Variants in FUT8 observed in about 807,000 individuals in gnomAD.
FUT8 encodes alpha-(1,6)-fucosyltransferase.
FUT8 carries 29 observed loss-of-function variants against 71.3 expected under a neutral mutation model. The observed-to-expected ratio is 0.41, with a 90% CI of 0.30 to 0.55. The LOEUF (loss-of-function observed/expected upper bound fraction) is 0.55. Ranked by LOEUF, FUT8 falls within the 20% of genes least tolerant of loss-of-function variation. The pLI is 0.34. For synonymous variants in FUT8, 254 were observed against 239.3 expected, an observed-to-expected ratio of 1.06 and a Z score of -0.57; for missense variants, 544 against 702.1, an observed-to-expected ratio of 0.77 and a Z score of 2.55.
rs1896565768 is a variant in FUT8 at position 65,742,711 on chromosome 14, C to T, written c.*301C>T. 4 of 271,558 alleles carry T rather than the reference C, an allele frequency of 1.5e-5. No individual in the cohort carries two copies. In the South Asian group the frequency reaches 2.3e-4, roughly 15 times the overall value. 16.8% of individuals were successfully genotyped at this position (271,558 alleles called of 1,614,324 possible). On this transcript the variant is annotated 3_prime_UTR_variant, in exon 11 of 11. Coordinates refer to ENST00000673929, the MANE Select transcript of FUT8 (RefSeq NM_001371533.1). ...GTATGTCCCCATAAGACAAACACTGCCATATTGTGTAATTTAAGTGACACA... is the reference window on the plus strand; with the variant it reads ...GTATGTCCCCATAAGACAAACACTGTCATATTGTGTAATTTAAGTGACACA...
At chr14:65,494,180 G>T (rs934237840) in intron 2 of FUT8, among the ~76,000 whole-genome samples, 1 of 152,084 alleles carries the variant, frequency 6.6e-6, no homozygotes, top group African/African-American at 2.4e-5. Flanking sequence ...AAAGCAAAAA[G>T]AAGCAGTTAA....
At chr14:65,434,390 C>G (rs1024351639) in intron 1 of FUT8, among the ~76,000 whole-genome samples, 3 of 152,230 alleles carry the variant, frequency 2.0e-5, no homozygotes, top group African/African-American at 7.2e-5. Flanking sequence ...TGGCCTCTGA[C>G]AGGCTTATCT....
intron 10 of FUT8, among the ~76,000 whole-genome samples, chr14:65,738,886 A>G (rs1418275179): frequency 1.3e-5 from 2 of 152,028 alleles, no homozygotes; most frequent in Non-Finnish European, 2.9e-5. Flanking sequence ...CTGGGCTGGT[A>G]TTATGCCTGG....
intron 2 of FUT8, among the ~76,000 whole-genome samples, chr14:65,484,955 A>G (rs984857427): frequency 1.3e-5 from 2 of 151,700 alleles, no homozygotes; most frequent in Admixed American, 6.6e-5. Flanking sequence ...TATGTTAGAT[A>G]TTATAGTTTT....
At chr14:65,442,636 A>G (rs116770100) in intron 1 of FUT8, among the ~76,000 whole-genome samples, 6,908 of 151,874 alleles carry the variant, frequency 0.045, 200 homozygotes, top group Middle Eastern at 0.1. Context: ...GGAGTTTAAG[A>G]CCAGCCTGGG....
At chr14:65,572,771 CA>C (rs1886552318) in intron 3 of FUT8, among the ~76,000 whole-genome samples, 1 of 151,994 alleles carries the variant, frequency 6.6e-6, no homozygotes, top group African/African-American at 2.4e-5. Flanking sequence ...AACATGTATG[CA>C]CATAACAACA....
chr14:65,394,803 C>A, the FUT8 span, among the ~76,000 whole-genome samples: 1 of 145,338 alleles, frequency 6.9e-6, no homozygotes, highest in African/African-American at 2.6e-5. Flanking sequence ...CAGAGTGCAG[C>A]GGCATGATCT....
At chr14:65,543,600 T>C (rs924692033) in intron 2 of FUT8, among the ~76,000 whole-genome samples, 3 of 152,156 alleles carry the variant, frequency 2.0e-5, no homozygotes, top group South Asian at 2.1e-4. Context: ...AGTCATTCTT[T>C]CGTTCTTTCT....
chr14:65,587,200 A>C (rs762589460), intron 3 of FUT8, among the ~76,000 whole-genome samples: 14 of 151,968 alleles, frequency 9.2e-5, no homozygotes, highest in South Asian at 2.1e-4. Context: ...AAAAAAAAAA[A>C]AACAAAAAAA....
chr14:65,528,518 C>G (rs946832550), intron 2 of FUT8, among the ~76,000 whole-genome samples: 4 of 152,214 alleles, frequency 2.6e-5, no homozygotes, highest in African/African-American at 9.6e-5. Context: ...ATGCCTCACC[C>G]TACTTCAGCT....
At chr14:65,411,372 T>C (rs2065121711), upstream of FUT8, 1 of 152,378 alleles carries the variant, frequency 6.6e-6, no homozygotes, top group Non-Finnish European at 1.5e-5. Context: ...GAGCTGACAA[T>C]AAATACGAGT....
Position 65,534,571 on chromosome 14 carries a change from G to C in FUT8, c.-227-26766G>C, listed in dbSNP as rs528212550. Among the ~76,000 whole-genome samples the C allele has an allele frequency of 2.3e-4, 33 of 143,776 alleles. No homozygotes were observed. In the South Asian group the frequency reaches 7.1e-3, roughly 31 times the overall value. 94.3% of individuals were successfully genotyped at this position (143,776 alleles called of 152,430 possible). ...TTTCTTTTTTTTTTTTTTTTGGTTG[G>C]TAGGCTATTTATTACTGATTAAATT... On this transcript the variant is annotated intron_variant, in intron 2 of 10. Transcript: ENST00000673929.
intron 7 of FUT8, among the ~76,000 whole-genome samples, chr14:65,697,931 C>T (rs1025346061): frequency 3.3e-5 from 5 of 151,518 alleles, no homozygotes; most frequent in African/African-American, 9.7e-5. Flanking sequence ...GCTGAGATCA[C>T]GCCATTCTGA....
chr14:65,648,823 C>G (rs897908128), intron 6 of FUT8, among the ~76,000 whole-genome samples: 4 of 152,132 alleles, frequency 2.6e-5, no homozygotes, highest in Non-Finnish European at 5.9e-5. Context: ...CTGTTCTACT[C>G]TACAATAAAG....
rs760318298 is a variant in FUT8, at chr14:65,742,114, A to C, written c.1432A>C (p.Ile478Leu). The C allele has an allele frequency of 9.9e-6, 16 of 1,611,808 alleles. No individual in the cohort carries two copies. In the East Asian group the frequency reaches 3.6e-4, roughly 36 times the overall value. ...SSQVCRVAYE[I>L]MQTLHPDASA... is the part of the protein sequence containing the mutation. ...CAAGGTCTGTCGAGTTGCTTATGAAATTATGCAAACACTACATCCTGATGC... is the reference window on the plus strand; with the variant it reads ...CAAGGTCTGTCGAGTTGCTTATGAACTTATGCAAACACTACATCCTGATGC... The change falls in exon 11 of 11, where the codon ATT (isoleucine) becomes CTT (leucine). Residue 478 changes from isoleucine to leucine, a missense_variant. Coordinates refer to ENST00000673929, the MANE Select transcript of FUT8 (RefSeq NM_001371533.1).
the FUT8 span, among the ~76,000 whole-genome samples, chr14:65,366,654 C>A: frequency 1.8e-4 from 27 of 152,012 alleles, 1 homozygote; most frequent in East Asian, 5.2e-3. Flanking sequence ...CTTAAAAGGC[C>A]TACCTCATCT....
chr14:65,433,786 T>TC lies in FUT8; in HGVS notation c.-326+20572_-326+20573insC, dbSNP rs143664958. 4.8e-5 allele frequency among the ~76,000 whole-genome samples: 7 copies of TC among 144,976 alleles called. No individual in the cohort carries two copies. In the South Asian group the frequency reaches 1.7e-3, roughly 35 times the overall value. On this transcript the variant is annotated intron_variant, in intron 1 of 10. Transcript: ENST00000673929. The stretch of plus-strand genomic sequence containing the variant: ...TTTATTTCTACCTCTCTTCTGTCTC[T>TC]TCTCTCTCTCTCTCTCTCTCTCTCT...
chr14:65,634,466 C>T (rs1433593514), intron 6 of FUT8, among the ~76,000 whole-genome samples: 2 of 151,326 alleles, frequency 1.3e-5, no homozygotes, highest in South Asian at 4.2e-4. Context: ...AACCAGAGAC[C>T]TTTGTTCACT....
At position 65,459,199 on chromosome 14, in the gene FUT8, A is replaced by C. The variant is rs75655810; in HGVS notation, c.-228+3481A>C. Among the ~76,000 whole-genome samples, 944 of 152,314 alleles carry C rather than the reference A, an allele frequency of 6.2e-3. 26 individuals are homozygous for C. In the East Asian group the frequency reaches 0.098, roughly 16 times the overall value. On this transcript the variant is annotated intron_variant, in intron 2 of 10. Coordinates refer to ENST00000673929, the MANE Select transcript of FUT8 (RefSeq NM_001371533.1). ...CAACGGGCAAATACAACACAGAGTC[A>C]AAGATAATGCTGTGCTCAGAAGTCA...
Sources: gnomAD v4.1 joint callset for allele counts (sites outside exome capture counted in the v4.1 genomes callset) on GRCh38, gnomAD v4.1.1 for gene constraint, MANE v1.5 for transcripts, NCBI Gene and HGNC (gene_info 2026-07-23, HGNC 2026-07-21) for gene names.